Variants in SPG7 observed in about 807,000 individuals in gnomAD.
The protein encoded by SPG7 is mitochondrial inner membrane m-AAA protease component paraplegin.
A neutral mutation model predicts 81.9 loss-of-function variants in SPG7; 103 were observed. That is an observed-to-expected ratio of 1.26 (90% CI 1.07 to 1.48). The LOEUF is 1.48. Among genes scored for constraint, SPG7 ranks in the 40% most tolerant of loss-of-function variants. SPG7 has a pLI of 0.00. For missense variants in SPG7, 1,241 were observed against 1,087.3 expected, an observed-to-expected ratio of 1.14 and a Z score of -1.99; for synonymous variants, 534 against 444.2, an observed-to-expected ratio of 1.20 and a Z score of -2.54.
At chr16:89,526,580 C>G in intron 5 of SPG7, 112 bp downstream of exon 5, 2 of 1,124,894 alleles carry the variant, frequency 1.8e-6, no homozygotes, top group Non-Finnish European at 2.7e-6. Flanking sequence ...GTTAACTAGA[C>G]TTTTTAGTGG....
intron 1 of SPG7, chr16:89,508,933 T>G (rs1451055495): frequency 1.9e-6 from 1 of 527,134 alleles, no homozygotes; most frequent in Admixed American, 2.2e-5. Context: ...AGCACTAATT[T>G]ACAGTCCACG....
chr16:89,532,702 A>G (rs2152403944), intron 9 of SPG7, 66 bp downstream of exon 9: 2 of 1,597,124 alleles, frequency 1.3e-6, no homozygotes, highest in African/African-American at 1.3e-5. Context: ...GTCTTTCAGA[A>G]CAGGTTGTGG....
Position 89,512,977 on chromosome 16 carries a change from T to G in SPG7, c.316T>G (p.Leu106Val), listed in dbSNP as rs551713522. 6.2e-7 allele frequency: 1 copy of G among 1,613,466 alleles called. No homozygotes were observed. The highest frequency in any genetic ancestry group is 1.1e-5 in the South Asian group (1 of 91,074). The change falls in exon 3 of 17, where the codon TTG (leucine) becomes GTG (valine). Residue 106 changes from leucine to valine, a missense_variant. Leu to Val is a conservative substitution (Grantham distance 32). Coordinates refer to ENST00000645818, the MANE Select transcript of SPG7 (RefSeq NM_003119.4). Reference protein sequence around the residue: ...GGTFYFNTSRLKQKNKEKDKS... With the variant: ...GGTFYFNTSRVKQKNKEKDKS... ...TACTTTCTATTTTAACACCTCAAGG[T>G]TGAAGCAGAAGAATAAGGAGAAGGA...
intron 4 of SPG7, among the ~76,000 whole-genome samples, chr16:89,525,000 G>C (rs2058242251): frequency 7.3e-6 from 1 of 136,954 alleles, no homozygotes; most frequent in African/African-American, 2.7e-5. Flanking sequence ...GTCTCATCCA[G>C]GCTGAGATGC....
intron 9 of SPG7, chr16:89,540,938 T>C (rs2058486803): frequency 1.0e-6 from 1 of 985,384 alleles, no homozygotes; most frequent in South Asian, 4.7e-5. Context: ...TGTATCCTTA[T>C]CACAGTGTTC....
rs138806649 is a variant in SPG7, at chr16:89,556,843, G to A, written c.2182-44G>A. 3,773 of 1,464,802 alleles carry A rather than the reference G, an allele frequency of 2.6e-3. 8 individuals are homozygous for A. Among genetic ancestry groups the A allele is most frequent in the Non-Finnish European group, 2.9e-3 (3,003 of 1,044,694 alleles). 90.7% of individuals were successfully genotyped at this position (1,464,802 alleles called of 1,614,324 possible). On this transcript the variant is annotated intron_variant, in intron 16 of 16. Coordinates refer to ENST00000645818, the MANE Select transcript of SPG7 (RefSeq NM_003119.4). Reference sequence around the variant, plus strand: ...CCTCCCCAGGACATAGAGATGCTCTGTCTGCCCTGGGGACTCACACACTGC... The same window carrying A: ...CCTCCCCAGGACATAGAGATGCTCTATCTGCCCTGGGGACTCACACACTGC...
At chr16:89,517,783 C>G (rs2058123405) in intron 3 of SPG7, 1 of 152,100 alleles carries the variant, frequency 6.6e-6, no homozygotes, top group African/African-American at 2.4e-5. Context: ...CCATGCCCGG[C>G]TAATTTTTTG....
rs1035919838 is a variant in SPG7, at chr16:89,508,417, C to G, written c.-1C>G. The G allele has an allele frequency of 1.1e-5, 16 of 1,487,930 alleles. No homozygotes were observed. Among genetic ancestry groups the G allele is most frequent in the Middle Eastern group, 4.7e-4 (2 of 4,242 alleles). The allele number at this position is 1,487,930 out of a possible 1,614,324, so 92.2% of individuals were successfully genotyped here. On this transcript the variant is annotated 5_prime_UTR_variant, in exon 1 of 17. Transcript: ENST00000645818. ...CACGCAGGCGCGGCTTTCAGGCCAACATGGCCGTGCTGCTGCTGCTGCTCC... is the reference window on the plus strand; with the variant it reads ...CACGCAGGCGCGGCTTTCAGGCCAAGATGGCCGTGCTGCTGCTGCTGCTCC...
At chr16:89,547,554 C>G (rs1394171998) in intron 11 of SPG7, 1 of 247,952 alleles carries the variant, frequency 4.0e-6, no homozygotes, top group Non-Finnish European at 8.0e-6. Flanking sequence ...CTCTCCCAGA[C>G]GCTCTCACCA....
chr16:89,509,132 T>G, intron 1 of SPG7: 4 of 373,150 alleles, frequency 1.1e-5, no homozygotes, highest in Non-Finnish European at 2.2e-5. Flanking sequence ...TTGTTTCAGG[T>G]TCTGCTAAGG....
chr16:89,519,659 G>A (rs1314698625), intron 3 of SPG7: 2 of 152,384 alleles, frequency 1.3e-5, no homozygotes, highest in South Asian at 4.1e-4. Context: ...TGGGATGACA[G>A]GCGTGAGCCA....
chr16:89,556,323 A>C (rs532113854), intron 16 of SPG7: 16 of 370,708 alleles, frequency 4.3e-5, no homozygotes, highest in South Asian at 1.4e-4. Context: ...ACAACAACAA[A>C]AAATCTGGAA....
intron 5 of SPG7, chr16:89,528,662 A>G (rs1228577416): frequency 6.9e-6 from 1 of 145,528 alleles, no homozygotes; most frequent in Non-Finnish European, 1.5e-5. Flanking sequence ...GCTGGAGTGC[A>G]GTGGTGCAAT....
chr16:89,553,995 G>C (rs777605919), intron 15 of SPG7, 35 bp downstream of exon 15: 3 of 1,605,382 alleles, frequency 1.9e-6, no homozygotes, highest in East Asian at 2.2e-5. Flanking sequence ...TGCCCTCTGT[G>C]CTCCCCGGGG....
At chr16:89,525,886 CTG>C (rs1442253056) in intron 4 of SPG7, among the ~76,000 whole-genome samples, 1 of 152,166 alleles carries the variant, frequency 6.6e-6, no homozygotes, top group Non-Finnish European at 1.5e-5. Context: ...GTAGCTGAGT[CTG>C]AGGCACACAT....
chr16:89,525,432 C>T (rs1221405091), intron 4 of SPG7, among the ~76,000 whole-genome samples: 1 of 152,184 alleles, frequency 6.6e-6, no homozygotes, highest in Non-Finnish European at 1.5e-5. Context: ...GACGAGTCAC[C>T]TGATAAAACA....
rs746053679 is a variant in SPG7 at position 89,513,038 on chromosome 16, G to A, written c.376+1G>A. 2 of 1,604,132 alleles carry A rather than the reference G, an allele frequency of 1.2e-6. No individual in the cohort carries two copies. Among genetic ancestry groups the A allele is most frequent in the Admixed American group, 3.4e-5 (2 of 58,332 alleles). On this transcript the variant is annotated splice_donor_variant, in intron 3 of 16. Coordinates refer to ENST00000645818, the MANE Select transcript of SPG7 (RefSeq NM_003119.4). LOFTEE classifies it high-confidence loss of function. Reference sequence around the variant, plus strand: ...GGGAAGGCGCCTGAAGAGGACGAAGGTATATTCATCTGATGTTCTTCAGTC... The same window carrying A: ...GGGAAGGCGCCTGAAGAGGACGAAGATATATTCATCTGATGTTCTTCAGTC...
intron 3 of SPG7, 155 bp from the exon 4 acceptor site, chr16:89,523,851 G>T: frequency 1.0e-6 from 1 of 982,840 alleles, no homozygotes. Flanking sequence ...CTTTGTCTCT[G>T]ATAACGTCAG....
intron 9 of SPG7, chr16:89,537,717 T>C: frequency 4.1e-6 from 4 of 985,298 alleles, no homozygotes; most frequent in South Asian, 4.7e-5. Context: ...GTCATCAGCA[T>C]GTGAGCTTGG....
Sources: allele counts gnomAD v4.1 joint callset (sites outside exome capture counted in the v4.1 genomes callset), GRCh38; gene constraint gnomAD v4.1.1; transcripts MANE v1.5; gene names NCBI Gene and HGNC (gene_info 2026-07-23, HGNC 2026-07-21).